The following DEFB123 variants were observed in gnomAD, a reference collection of about 807,000 sequenced individuals.
DEFB123 encodes beta-defensin 123.
For synonymous variants in DEFB123, 22 were observed against 28.3 expected (o/e 0.78, Z 0.71); for missense variants, 71 against 75.0 (o/e 0.95, Z 0.20).
chr20:31,441,591 A>G (rs1979465357), intron 1 of DEFB123, among the ~76,000 whole-genome samples: 1 of 152,104 alleles, frequency 6.6e-6, no homozygotes, highest in African/African-American at 2.4e-5. Flanking sequence ...GAAGGTTTAA[A>G]CAGAGAAAGA....
chr20:31,448,502 G>C (rs1483341666), intron 1 of DEFB123, among the ~76,000 whole-genome samples: 1 of 150,846 alleles, frequency 6.6e-6, no homozygotes, highest in East Asian at 2.0e-4. Context: ...TAGACTACTT[G>C]TTATTGTCCC....
intron 1 of DEFB123, among the ~76,000 whole-genome samples, chr20:31,446,960 AC>A (rs1163475857): frequency 5.7e-5 from 8 of 141,570 alleles, no homozygotes; most frequent in East Asian, 2.1e-4. Context: ...AAAAAAAAAA[AC>A]AAAAACAAAA....
At position 31,450,075 on chromosome 20, in the gene DEFB123, A is replaced by G; in HGVS notation, c.105A>G (p.Arg35=). The G allele has an allele frequency of 6.2e-7, 1 of 1,612,498 alleles. No individual in the cohort carries two copies. Among genetic ancestry groups the G allele is most frequent in the Non-Finnish European group, 8.5e-7 (1 of 1,179,316 alleles). ...CWNLYGKCRY[R]CSKKERVYVY... ...ATCTTTATGGCAAATGCCGTTACAG[A>G]TGCTCCAAGAAGGAAAGAGTCTATG... Residue 35 remains arginine, a synonymous_variant, in exon 2 of 2, where the codon AGA becomes AGG. Coordinates refer to ENST00000376309, the MANE Select transcript of DEFB123 (RefSeq NM_153324.4).
chr20:31,445,688 C>T (rs972737127), intron 1 of DEFB123, among the ~76,000 whole-genome samples: 1 of 152,008 alleles, frequency 6.6e-6, no homozygotes, highest in East Asian at 1.9e-4. Flanking sequence ...TACAGGTGCA[C>T]GCCACCACGC....
Position 31,440,674 on chromosome 20 carries a change from A to C in DEFB123, c.-25A>C, listed in dbSNP as rs768343238. 1.2e-6 allele frequency: 2 copies of C among 1,613,596 alleles called. No individual in the cohort carries two copies. The highest frequency in any genetic ancestry group is 2.2e-5 in the South Asian group (2 of 91,080). ...AGCTCAGCCGTGGCATCGGACTTGCAGCTTCATTTTGGGCTGCCTTAGCCA... is the reference window on the plus strand; with the variant it reads ...AGCTCAGCCGTGGCATCGGACTTGCCGCTTCATTTTGGGCTGCCTTAGCCA... On this transcript the variant is annotated 5_prime_UTR_variant, in exon 1 of 2. Coordinates refer to ENST00000376309, the MANE Select transcript of DEFB123 (RefSeq NM_153324.4).
chr20:31,448,868 C>T (rs907945113), intron 1 of DEFB123, among the ~76,000 whole-genome samples: 5 of 148,730 alleles, frequency 3.4e-5, no homozygotes, highest in African/African-American at 9.9e-5. Flanking sequence ...TGTGCCACCA[C>T]GCCCAGCTAA....
chr20:31,444,520 TA>T (rs1979537417), intron 1 of DEFB123, among the ~76,000 whole-genome samples: 1 of 152,114 alleles, frequency 6.6e-6, no homozygotes, highest in East Asian at 1.9e-4. Flanking sequence ...AATTGCTAGG[TA>T]AAGACTGTGT....
chr20:31,440,843 G>A (rs1979446950), intron 1 of DEFB123, 87 bp downstream of exon 1: 7 of 1,534,622 alleles, frequency 4.6e-6, no homozygotes, highest in Non-Finnish European at 6.3e-6. Context: ...ATGGGCTGCA[G>A]GTTGTCATCT....
Position 31,440,862 on chromosome 20 carries a change from G to C in DEFB123, c.58+106G>C, listed in dbSNP as rs150830963. The C allele has an allele frequency of 9.4e-6, 13 of 1,386,564 alleles. No individual in the cohort carries two copies. In the East Asian group the frequency reaches 3.0e-4, roughly 32 times the overall value. 85.9% of individuals were successfully genotyped at this position (1,386,564 alleles called of 1,614,324 possible). The stretch of plus-strand genomic sequence containing the variant: ...GCTGCAGGTTGTCATCTAGCACCAC[G>C]TATAGGAGGCAGGAGGCGCCTCACC... On this transcript the variant is annotated intron_variant, in intron 1 of 1. Coordinates refer to ENST00000376309, the MANE Select transcript of DEFB123 (RefSeq NM_153324.4).
Position 31,450,177 on chromosome 20 carries a change from G to T in DEFB123, c.*3G>T. On this transcript the variant is annotated 3_prime_UTR_variant, in exon 2 of 2. Transcript: ENST00000376309. ...AAGAAAGGTGGTGGCCATTTTAACT[G>T]CTTTGAAGCCTGAAGCCATGAAAAT... is the stretch of plus-strand genomic sequence containing the variant. The T allele has an allele frequency of 6.3e-7, 1 of 1,598,528 alleles. No homozygotes were observed. The highest frequency in any genetic ancestry group is 8.5e-7 in the Non-Finnish European group (1 of 1,174,666).
Position 31,450,048 on chromosome 20 carries a change from G to A in DEFB123, c.78G>A (p.Trp26Ter), listed in dbSNP as rs1979698667. Residue 26 changes from tryptophan (W) to a stop codon, truncating the protein, a stop_gained, in exon 2 of 2, where the codon TGG becomes TGA. Coordinates refer to ENST00000376309, the MANE Select transcript of DEFB123 (RefSeq NM_153324.4). LOFTEE classifies it low-confidence loss of function (END_TRUNC). ...QLTPGGTQRCWNLYGKCRYRC... is the reference protein window; with the variant it reads ...QLTPGGTQRC ...TGTCAGGTGGCACCCAAAGATGCTG[G>A]AATCTTTATGGCAAATGCCGTTACA... The A allele has an allele frequency of 2.5e-6, 4 of 1,610,382 alleles. No individual in the cohort carries two copies. The highest frequency in any genetic ancestry group is 3.4e-6 in the Non-Finnish European group (4 of 1,178,440).
At chr20:31,444,563 T>A (rs1979539608) in intron 1 of DEFB123, among the ~76,000 whole-genome samples, 1 of 152,208 alleles carries the variant, frequency 6.6e-6, no homozygotes, top group Non-Finnish European at 1.5e-5. Flanking sequence ...TATTGCTCAG[T>A]AGGCTCCACA....
intron 1 of DEFB123, among the ~76,000 whole-genome samples, chr20:31,442,262 ATG>A (rs1219252015): frequency 6.6e-6 from 1 of 152,242 alleles, no homozygotes; most frequent in Admixed American, 6.5e-5. Context: ...GTCTTTCAGC[ATG>A]TCTCTTTCTT....
At chr20:31,445,203 C>T (rs1257874132) in intron 1 of DEFB123, among the ~76,000 whole-genome samples, 2 of 152,128 alleles carry the variant, frequency 1.3e-5, no homozygotes, top group Non-Finnish European at 2.9e-5. Context: ...TCAAGTTCTC[C>T]CATTTTGGCA....
chr20:31,448,802 C>T (rs1200759158), intron 1 of DEFB123, among the ~76,000 whole-genome samples: 1 of 152,056 alleles, frequency 6.6e-6, no homozygotes, highest in Non-Finnish European at 1.5e-5. Context: ...ACCTCCACCT[C>T]CCAGGTTCAA....
Position 31,450,125 on chromosome 20 carries a change from G to A in DEFB123, c.155G>A (p.Cys52Tyr), listed in dbSNP as rs369836063. 1.2e-6 allele frequency: 2 copies of A among 1,612,230 alleles called. No homozygotes were observed. The highest frequency in any genetic ancestry group is 1.3e-5 in the African/African-American group (1 of 74,716). The change falls in exon 2 of 2, where the codon TGC becomes TAC. Residue 52 changes from cysteine to tyrosine, a missense_variant. Transcript: ENST00000376309. ...VYVYCINNKM[C>Y]CVKPKYQPKE... ...GTTTACTGCATAAATAATAAAATGT[G>A]CTGCGTGAAGCCCAAGTACCAGCCA...
At chr20:31,445,756 G>A (rs767152859) in intron 1 of DEFB123, among the ~76,000 whole-genome samples, 22 of 152,154 alleles carry the variant, frequency 1.4e-4, no homozygotes, top group African/African-American at 4.8e-4. Context: ...GGTCAGGCTG[G>A]TCTTAAACTC....
chr20:31,444,935 G>A (rs1979549528), intron 1 of DEFB123, among the ~76,000 whole-genome samples: 1 of 152,026 alleles, frequency 6.6e-6, no homozygotes, highest in South Asian at 2.1e-4. Context: ...ATTGCTAGGG[G>A]GGCATCCCTA....
Position 31,448,221 on chromosome 20 carries a change from A to T in DEFB123, c.59-1808A>T, listed in dbSNP as rs1437363635. Among the ~76,000 whole-genome samples, 9 of 152,030 alleles carry T rather than the reference A, an allele frequency of 5.9e-5. 1 individual carries two copies. In the East Asian group the frequency reaches 1.7e-3, roughly 29 times the overall value. ...TGAGCCACCACACCCAGCCTCTTCC[A>T]GTATTTTTACCTTTTCTCCTATGTA... On this transcript the variant is annotated intron_variant, in intron 1 of 1. Transcript: ENST00000376309.
Sources: gnomAD v4.1 joint callset for allele counts (sites outside exome capture counted in the v4.1 genomes callset) on GRCh38, gnomAD v4.1.1 for gene constraint, MANE v1.5 for transcripts, NCBI Gene and HGNC (gene_info 2026-07-23, HGNC 2026-07-21) for gene names.